METTL15: variants seen among roughly 807,000 people sequenced by gnomAD.
The protein encoded by METTL15 is 12S rRNA N(4)-cytidine methyltransferase METTL15.
Under a neutral mutation model 38.3 loss-of-function variants are expected in METTL15, and 34 were observed. That is an observed-to-expected ratio of 0.89 (90% CI 0.68 to 1.18). METTL15 has a LOEUF of 1.18. Among genes scored for constraint, METTL15 ranks in the 50% most tolerant of loss-of-function variants. The pLI, the probability that METTL15 is intolerant of heterozygous loss-of-function variation, is 0.00. For missense variants in METTL15, 438 were observed against 498.4 expected, an observed-to-expected ratio of 0.88 and a Z score of 1.15; for synonymous variants, 162 against 170.9, an observed-to-expected ratio of 0.95 and a Z score of 0.41.
chr11:28,260,904 A>G (rs1430487547), intron 4 of METTL15, among the ~76,000 whole-genome samples: 2 of 152,152 alleles, frequency 1.3e-5, no homozygotes, highest in South Asian at 2.1e-4. Flanking sequence ...CAAGTAGACT[A>G]TAGTTTGAGT....
intron 5 of METTL15, among the ~76,000 whole-genome samples, chr11:28,386,636 A>G (rs1219177488): frequency 2.6e-5 from 4 of 152,054 alleles, no homozygotes; most frequent in Admixed American, 2.6e-4. Context: ...AGGATACTCT[A>G]CTTTCAGTAG....
chr11:28,404,203 G>A (rs1206878693), intron 5 of METTL15, among the ~76,000 whole-genome samples: 1 of 152,018 alleles, frequency 6.6e-6, no homozygotes, highest in Non-Finnish European at 1.5e-5. Context: ...AAAAATAAAT[G>A]TGCCCATATA....
chr11:28,395,898 A>G (rs1173096566), intron 5 of METTL15, among the ~76,000 whole-genome samples: 2 of 152,116 alleles, frequency 1.3e-5, no homozygotes, highest in African/African-American at 2.4e-5. Context: ...CTTATCCACC[A>G]TGATCAAGTG....
intron 4 of METTL15, among the ~76,000 whole-genome samples, chr11:28,274,098 G>A (rs574361584): frequency 1.3e-5 from 2 of 152,102 alleles, no homozygotes; most frequent in South Asian, 2.1e-4. Flanking sequence ...CTTTCAGAGA[G>A]CAGTCACTTC....
At chr11:28,302,325 T>A (rs1020591252) in intron 6 of METTL15, among the ~76,000 whole-genome samples, 3 of 152,296 alleles carry the variant, frequency 2.0e-5, no homozygotes, top group South Asian at 4.1e-4. Flanking sequence ...ACGTTAATTT[T>A]AAAAATTGAT....
chr11:28,267,160 C>CAAA (rs57831121), intron 4 of METTL15, among the ~76,000 whole-genome samples: 15 of 53,662 alleles, frequency 2.8e-4, no homozygotes, highest in South Asian at 6.6e-4. Flanking sequence ...AACTCCATCT[C>CAAA]AAAAAAAAAA....
chr11:28,417,213 T>C (rs146618995), intron 5 of METTL15, among the ~76,000 whole-genome samples: 2 of 152,354 alleles, frequency 1.3e-5, no homozygotes, highest in East Asian at 3.9e-4. Context: ...CTTAGACTTA[T>C]GTAAAAGGCA....
intron 6 of METTL15, among the ~76,000 whole-genome samples, chr11:28,480,588 C>T (rs1050399961): frequency 8.5e-5 from 13 of 152,138 alleles, no homozygotes; most frequent in African/African-American, 3.1e-4. Context: ...TTCAAGTTGC[C>T]CTTTGGTTTT....
chr11:28,319,835 G>T (rs568145762), intron 6 of METTL15, among the ~76,000 whole-genome samples: 1 of 152,274 alleles, frequency 6.6e-6, no homozygotes, highest in Admixed American at 6.5e-5. Flanking sequence ...GTGAATCCTG[G>T]AAAAAGGAGT....
downstream of METTL15, among the ~76,000 whole-genome samples, chr11:28,337,263 T>C (rs1041835811): frequency 5.9e-5 from 9 of 152,108 alleles, no homozygotes; most frequent in East Asian, 1.5e-3. Flanking sequence ...TTTTATGTTT[T>C]AATTTTAATT....
intron 6 of METTL15, among the ~76,000 whole-genome samples, chr11:28,505,192 T>G (rs1851618296): frequency 6.6e-6 from 1 of 152,054 alleles, no homozygotes; most frequent in African/African-American, 2.4e-5. Context: ...GTATGTGTGT[T>G]TTTTTTAACA....
chr11:28,491,105 G>GACTTGCCTAT (rs1240662425), intron 6 of METTL15, among the ~76,000 whole-genome samples: 7 of 152,086 alleles, frequency 4.6e-5, no homozygotes, highest in Non-Finnish European at 1.0e-4. Flanking sequence ...ACTGGCCCTG[G>GACTTGCCTAT]ATATACCCAT....
intron 5 of METTL15, among the ~76,000 whole-genome samples, chr11:28,385,998 G>A (rs992869921): frequency 1.3e-5 from 2 of 152,052 alleles, no homozygotes; most frequent in Non-Finnish European, 2.9e-5. Flanking sequence ...GGAAATAAAT[G>A]ACTAGAGTTT....
chr11:28,170,394 C>A (rs996019251), intron 3 of METTL15, among the ~76,000 whole-genome samples: 4 of 151,980 alleles, frequency 2.6e-5, no homozygotes, highest in African/African-American at 4.8e-5. Context: ...AATCCAGACC[C>A]CAAGAGAGGG....
chr11:28,469,999 A>G lies in METTL15; in HGVS notation c.*424+45635A>G, dbSNP rs369630379. Reference sequence around the variant, plus strand: ...CTGTTAAACTCTATTTTTTAATTGAAAAGTCATGCACAAACTACAAAAAAA... The same window carrying G: ...CTGTTAAACTCTATTTTTTAATTGAGAAGTCATGCACAAACTACAAAAAAA... On this transcript the variant is annotated intron_variant and NMD_transcript_variant, in intron 6 of 7. Coordinates refer to the METTL15 transcript ENST00000532947. Among the ~76,000 whole-genome samples, 12 of 151,496 alleles carry G rather than the reference A, an allele frequency of 7.9e-5. No individual in the cohort carries two copies. In the East Asian group the frequency reaches 1.5e-3, roughly 20 times the overall value.
chr11:28,326,568 CATTTT>C (rs1366100538), intron 6 of METTL15, among the ~76,000 whole-genome samples: 1 of 151,530 alleles, frequency 6.6e-6, no homozygotes, highest in African/African-American at 2.4e-5. Context: ...TATCGCGTGC[CATTTT>C]ATTTTAATTT....
chr11:28,119,356 C>G (rs767990073), intron 3 of METTL15, among the ~76,000 whole-genome samples: 4 of 152,132 alleles, frequency 2.6e-5, no homozygotes, highest in African/African-American at 9.7e-5. Context: ...GAATAAAAGT[C>G]AAAGTAAACT....
chr11:28,325,664 A>C (rs1849612410), intron 6 of METTL15, among the ~76,000 whole-genome samples: 2 of 152,228 alleles, frequency 1.3e-5, no homozygotes, highest in African/African-American at 4.8e-5. Context: ...TTTCAAAAGT[A>C]GTGATTCCTG....
chr11:28,376,692 T>A (rs1251042517), intron 5 of METTL15, among the ~76,000 whole-genome samples: 1 of 151,992 alleles, frequency 6.6e-6, no homozygotes, highest in African/African-American at 2.4e-5. Flanking sequence ...GTGAATTTGA[T>A]CCTGTCATTA....
Sources: gnomAD v4.1 joint callset for allele counts (sites outside exome capture counted in the v4.1 genomes callset) on GRCh38, gnomAD v4.1.1 for gene constraint, MANE v1.5 for transcripts, NCBI Gene and HGNC (gene_info 2026-07-23, HGNC 2026-07-21) for gene names.